The following SULT1B1 variants were observed in gnomAD, a reference collection of about 807,000 sequenced individuals.
The protein encoded by SULT1B1 is sulfotransferase family 1B member 1, also known as sulfotransferase 1B1.
In SULT1B1, 28 loss-of-function variants were observed where a neutral mutation model predicts 34.6. That is an observed-to-expected ratio of 0.81 (90% CI 0.60 to 1.11). SULT1B1 has a LOEUF of 1.11. Ranked by LOEUF, SULT1B1 falls within the 50% of genes least tolerant of loss-of-function variation. SULT1B1 has a pLI of 0.00. For missense variants in SULT1B1, 374 were observed against 352.2 expected, an observed-to-expected ratio of 1.06 and a Z score of -0.50; for synonymous variants, 147 against 110.2, an observed-to-expected ratio of 1.33 and a Z score of -2.09.
intron 6 of SULT1B1, 133 bp from the exon 7 acceptor site, chr4:69,730,814 C>A: frequency 1.3e-6 from 1 of 773,052 alleles, no homozygotes; most frequent in Non-Finnish European, 2.0e-6. Flanking sequence ...TTGGGTTTTT[C>A]TCAATTTTTA....
Position 69,752,557 on chromosome 4 carries a change from T to C in SULT1B1, c.277+2113A>G, listed in dbSNP as rs370931138. Among the ~76,000 whole-genome samples the C allele has an allele frequency of 3.3e-5, 5 of 152,360 alleles. No homozygotes were observed. The East Asian group carries it at 7.7e-4, about 23-fold the overall frequency. ...AAATAATAATATTTATAAGCTGAAC[T>C]TAATGGCTTAGGAAACAACTGGGAT... On this transcript the variant is annotated intron_variant, in intron 3 of 7. Transcript: ENST00000310613.
In SULT1B1 at chr4:69,725,539, A is replaced by G. The variant is rs564405437; in HGVS notation, c.*1549T>C. On this transcript the variant is annotated 3_prime_UTR_variant, in exon 8 of 8. Coordinates refer to ENST00000310613, the MANE Select transcript of SULT1B1 (RefSeq NM_014465.4). ...TTACTGGGTATATACCCAAAGGATT[A>G]TAAATCATGCTGCTATAAAGACACA... 3.3e-5 allele frequency: 5 copies of G among 152,346 alleles called. No individual in the cohort carries two copies. In the South Asian group the frequency reaches 6.2e-4, roughly 19 times the overall value. The allele number at this position is 152,346 out of a possible 1,614,324, so 9.4% of individuals were successfully genotyped here. A position where few individuals can be genotyped will look rare whatever the true frequency, so the allele number is the denominator to read the frequency against.
At chr4:69,745,598 G>A (rs899336384) in intron 4 of SULT1B1, among the ~76,000 whole-genome samples, 6 of 152,150 alleles carry the variant, frequency 3.9e-5, no homozygotes, top group Non-Finnish European at 7.4e-5. Context: ...TATGGGTGTT[G>A]TTGCATGTGA....
At chr4:69,759,356 C>T (rs925150479) in intron 1 of SULT1B1, among the ~76,000 whole-genome samples, 2 of 152,174 alleles carry the variant, frequency 1.3e-5, no homozygotes, top group Non-Finnish European at 2.9e-5. Context: ...TTATCTCATT[C>T]AAACAAGAGT....
intron 4 of SULT1B1, among the ~76,000 whole-genome samples, chr4:69,741,131 T>C (rs764966384): frequency 5.9e-5 from 9 of 152,222 alleles, no homozygotes; most frequent in Admixed American, 1.3e-4. Flanking sequence ...GCATCATTGA[T>C]TGAATAGAGT....
In SULT1B1 at chr4:69,726,979, T is replaced by C. The variant is rs569912013; in HGVS notation, c.*109A>G. The C allele has an allele frequency of 3.0e-6, 2 of 668,750 alleles. No individual in the cohort carries two copies. The highest frequency in any genetic ancestry group is 7.0e-5 in the Admixed American group (2 of 28,460). 41.4% of individuals were successfully genotyped at this position (668,750 alleles called of 1,614,324 possible). A position where few individuals can be genotyped will look rare whatever the true frequency, so the allele number is the denominator to read the frequency against. ...AAAGAATCAACATATTAAAAGCATA[T>C]TATTCTCCTTTATAAATTCATTTGA... On this transcript the variant is annotated 3_prime_UTR_variant, in exon 8 of 8. Coordinates refer to ENST00000310613, the MANE Select transcript of SULT1B1 (RefSeq NM_014465.4).
In SULT1B1 at chr4:69,755,199, T is replaced by C. The variant is rs2110032313; in HGVS notation, c.19A>G (p.Ile7Val). The change falls in exon 2 of 8, where the codon ATT becomes GTT. Residue 7 changes from isoleucine (I) to valine (V), a missense_variant. Coordinates refer to ENST00000310613, the MANE Select transcript of SULT1B1 (RefSeq NM_014465.4). ...ACCAACTTCAGATCTTTTCGCAGAA[T>C]ATCTTTTGGGGAAAGCATTTTAATA... The part of the protein sequence containing the change: MLSPKD[I>V]LRKDLKLVHG... 6.2e-7 allele frequency: 1 copy of C among 1,613,662 alleles called. No homozygotes were observed. Among genetic ancestry groups the C allele is most frequent in the East Asian group, 2.2e-5 (1 of 44,860 alleles).
intron 4 of SULT1B1, among the ~76,000 whole-genome samples, chr4:69,739,380 A>G (rs1718448911): frequency 1.3e-5 from 2 of 152,106 alleles, no homozygotes; most frequent in South Asian, 4.1e-4. Flanking sequence ...TCAATTCTTG[A>G]CTTCAGTGCA....
intron 7 of SULT1B1, among the ~76,000 whole-genome samples, chr4:69,729,196 T>A (rs1273439795): frequency 6.6e-6 from 1 of 152,126 alleles, no homozygotes; most frequent in East Asian, 1.9e-4. Flanking sequence ...AGAATATATA[T>A]GTACATGTAC....
intron 7 of SULT1B1, among the ~76,000 whole-genome samples, chr4:69,728,663 T>C (rs200405080): frequency 4.8e-5 from 6 of 124,658 alleles, no homozygotes; most frequent in South Asian, 5.2e-4. Flanking sequence ...AACGGAAGAA[T>C]GGAAGGAAGG....
rs1718204708 is a variant in SULT1B1 at position 69,734,230 on chromosome 4, G to A, written c.410C>T (p.Ser137Leu). 6.2e-7 allele frequency: 1 copy of A among 1,612,728 alleles called. No individual in the cohort carries two copies. The highest frequency in any genetic ancestry group is 1.7e-5 in the Admixed American group (1 of 59,904). Residue 137 changes from serine to leucine, a missense_variant, in exon 5 of 8, where the codon TCA becomes TTA. Physicochemically the swap from Ser to Leu is moderately radical, Grantham distance 145. Coordinates refer to ENST00000310613, the MANE Select transcript of SULT1B1 (RefSeq NM_014465.4). ...IYLARNAKDV[S>L]VSYYHFDLMN... is the part of the protein sequence containing the mutation. Reference sequence around the variant, plus strand: ...TAAGTCAAAATGGTAATATGAGACTGAAACATCCTTGGCATTACGAGCCAG... The same window carrying A: ...TAAGTCAAAATGGTAATATGAGACTAAAACATCCTTGGCATTACGAGCCAG...
Position 69,721,854 on chromosome 4 carries a change from C to G in SULT1B1, c.*5234G>C, listed in dbSNP as rs1194657961. ...TATCATTGTCAGATATTTGTTATCA[C>G]TGTCCTTACATCATGGTTCTGTTAG... On this transcript the variant is annotated 3_prime_UTR_variant, in exon 8 of 8. Coordinates refer to ENST00000310613, the MANE Select transcript of SULT1B1 (RefSeq NM_014465.4). The G allele has an allele frequency of 4.6e-5, 7 of 152,072 alleles. No homozygotes were observed. Among genetic ancestry groups the G allele is most frequent in the Non-Finnish European group, 2.9e-5 (2 of 67,970 alleles). 9.4% of individuals were successfully genotyped at this position (152,072 alleles called of 1,614,324 possible).
intron 4 of SULT1B1, among the ~76,000 whole-genome samples, chr4:69,746,763 G>A (rs961098547): frequency 6.6e-6 from 1 of 152,214 alleles, no homozygotes; most frequent in Non-Finnish European, 1.5e-5. Context: ...CAGGCAAAAA[G>A]ACACTCTGGC....
At chr4:69,752,554 A>G (rs978804794) in intron 3 of SULT1B1, among the ~76,000 whole-genome samples, 2 of 152,236 alleles carry the variant, frequency 1.3e-5, no homozygotes, top group Non-Finnish European at 2.9e-5. Flanking sequence ...TTATAAGCTG[A>G]ACTTAATGGC....
chr4:69,758,785 G>C (rs1219464906), intron 1 of SULT1B1, among the ~76,000 whole-genome samples: 2 of 151,828 alleles, frequency 1.3e-5, no homozygotes, highest in Non-Finnish European at 2.9e-5. Flanking sequence ...TTCATGTCTT[G>C]GTTCATCCTT....
chr4:69,747,098 C>T (rs1718777519), intron 4 of SULT1B1, among the ~76,000 whole-genome samples: 1 of 152,182 alleles, frequency 6.6e-6, no homozygotes, highest in Non-Finnish European at 1.5e-5. Context: ...TCCCAATCTA[C>T]TGGCAACAAC....
chr4:69,741,998 G>A (rs1718570904), intron 4 of SULT1B1, among the ~76,000 whole-genome samples: 1 of 152,144 alleles, frequency 6.6e-6, no homozygotes, highest in Non-Finnish European at 1.5e-5. Context: ...TTCCTGTTCA[G>A]TGTGTTGGTT....
chr4:69,732,860 A>G (rs1332784305), intron 6 of SULT1B1, among the ~76,000 whole-genome samples: 1 of 152,032 alleles, frequency 6.6e-6, no homozygotes, highest in African/African-American at 2.4e-5. Context: ...GGAAACAAAG[A>G]CAGTAAGAAT....
Position 69,725,098 on chromosome 4 carries a change from G to T in SULT1B1, c.*1990C>A, listed in dbSNP as rs1717787173. On this transcript the variant is annotated 3_prime_UTR_variant, in exon 8 of 8. Coordinates refer to ENST00000310613, the MANE Select transcript of SULT1B1 (RefSeq NM_014465.4). ...CGTGAACAGGCAACCTACAGAATGG[G>T]AGAAAATTTTTGCAATCTACTCATC... 6.6e-6 allele frequency: 1 copy of T among 151,068 alleles called. No individual in the cohort carries two copies. The highest frequency in any genetic ancestry group is 2.4e-5 in the African/African-American group (1 of 40,872). The allele number at this position is 151,068 out of a possible 1,614,324, so 9.4% of individuals were successfully genotyped here. A position where few individuals can be genotyped will look rare whatever the true frequency, so the allele number is the denominator to read the frequency against.
Sources: gnomAD v4.1 joint callset for allele counts (sites outside exome capture counted in the v4.1 genomes callset) on GRCh38, gnomAD v4.1.1 for gene constraint, MANE v1.5 for transcripts, NCBI Gene and HGNC (gene_info 2026-07-23, HGNC 2026-07-21) for gene names.